The following RCSD1 variants were observed in gnomAD, a reference collection of about 807,000 sequenced individuals.
The protein encoded by RCSD1 is capZ-interacting protein.
RCSD1 carries 26 observed loss-of-function variants against 42.5 expected under a neutral mutation model. The observed-to-expected ratio is 0.61, with a 90% CI of 0.45 to 0.85. The LOEUF (loss-of-function observed/expected upper bound fraction) is 0.85, where lower values mean the gene tolerates loss of function less well. Among genes scored for constraint, RCSD1 ranks in the 40% least tolerant of loss-of-function variants. The pLI is 0.00. For synonymous variants in RCSD1, 220 were observed against 212.2 expected (o/e 1.04, Z -0.32); for missense variants, 571 against 528.3 (o/e 1.08, Z -0.79).
chr1:167,635,582 G>T (rs1166489109), intron 1 of RCSD1, among the ~76,000 whole-genome samples: 1 of 152,186 alleles, frequency 6.6e-6, no homozygotes, highest in Admixed American at 6.5e-5. Context: ...AACACTGGCG[G>T]CTCAGCAGCC....
chr1:167,670,811 G>A (rs1658789217), intron 1 of RCSD1, among the ~76,000 whole-genome samples: 1 of 151,678 alleles, frequency 6.6e-6, no homozygotes, highest in South Asian at 2.1e-4. Flanking sequence ...ACTCCACCCT[G>A]CCCCACCCAT....
intron 1 of RCSD1, among the ~76,000 whole-genome samples, chr1:167,669,124 C>T (rs1417841605): frequency 1.3e-5 from 2 of 152,276 alleles, no homozygotes; most frequent in East Asian, 3.8e-4. Flanking sequence ...TGCATGTTTG[C>T]TAATAATCTA....
intron 1 of RCSD1, among the ~76,000 whole-genome samples, chr1:167,647,130 C>CAAAAA (rs5778560): frequency 4.4e-5 from 5 of 112,556 alleles, no homozygotes; most frequent in African/African-American, 1.9e-4. Context: ...AACTCCATCT[C>CAAAAA]AAAAAAAAAG....
intron 3 of RCSD1, among the ~76,000 whole-genome samples, chr1:167,687,379 C>CT (rs397969059): frequency 1.9e-5 from 2 of 104,096 alleles, no homozygotes; most frequent in African/African-American, 1.9e-4. Flanking sequence ...AAAAAATTAG[C>CT]AGGCGTGGTG....
chr1:167,638,252 A>G (rs3738225), intron 1 of RCSD1: 1 of 152,112 alleles, frequency 6.6e-6, no homozygotes, highest in African/African-American at 2.4e-5. Flanking sequence ...CTGAGCAGCC[A>G]CACCGATGTC....
chr1:167,703,172 C>G (rs1326135302), intron 6 of RCSD1, among the ~76,000 whole-genome samples: 1 of 152,132 alleles, frequency 6.6e-6, no homozygotes, highest in Non-Finnish European at 1.5e-5. Context: ...CAGTTCTTGG[C>G]CCTATTTCTT....
At chr1:167,697,076 C>A in intron 5 of RCSD1, 23 bp from the exon 6 acceptor site, 1 of 1,588,316 alleles carries the variant, frequency 6.3e-7, no homozygotes. Context: ...TTTTGGATAA[C>A]TTTCCTTAAC....
rs868411861 is a variant in RCSD1 at position 167,697,829 on chromosome 1, T to C, written c.1205T>C (p.Val402Ala). ...TSSEVQSEPA[V>A]PKPEDDTPVQ... ...AGTGAGGTCCAGAGCGAGCCAGCAG[T>C]CCCCAAGCCGGAGGTAGGTGGCCTG... The change falls in exon 6 of 7, where the codon GTC (valine) becomes GCC (alanine). Residue 402 changes from valine (V) to alanine (A), a missense_variant. Val to Ala is a moderately conservative substitution (Grantham distance 64, BLOSUM62 0). Coordinates refer to ENST00000367854, the MANE Select transcript of RCSD1 (RefSeq NM_052862.4). The C allele has an allele frequency of 6.8e-7, 1 of 1,463,646 alleles. No homozygotes were observed. Among genetic ancestry groups the C allele is most frequent in the South Asian group, 1.5e-5 (1 of 68,182 alleles). 90.7% of individuals were successfully genotyped at this position (1,463,646 alleles called of 1,614,324 possible). A position where few individuals can be genotyped will look rare whatever the true frequency, so the allele number is the denominator to read the frequency against.
At chr1:167,664,324 C>T (rs1329930144) in intron 1 of RCSD1, 1 of 152,276 alleles carries the variant, frequency 6.6e-6, no homozygotes, top group Non-Finnish European at 1.5e-5. Context: ...CAGCCTCCTG[C>T]AGCCACAGCG....
At chr1:167,668,283 T>C (rs1025473733) in intron 1 of RCSD1, among the ~76,000 whole-genome samples, 4 of 150,654 alleles carry the variant, frequency 2.7e-5, no homozygotes, top group Non-Finnish European at 5.9e-5. Context: ...AGACTCCGTC[T>C]CCAGAAAAAA....
At chr1:167,656,992 C>A (rs1228204247) in intron 1 of RCSD1, among the ~76,000 whole-genome samples, 1 of 152,182 alleles carries the variant, frequency 6.6e-6, no homozygotes, top group Non-Finnish European at 1.5e-5. Context: ...ACATTTTGAA[C>A]CCACCTTCAC....
At chr1:167,652,518 C>G (rs1438861446) in intron 1 of RCSD1, among the ~76,000 whole-genome samples, 1 of 152,206 alleles carries the variant, frequency 6.6e-6, no homozygotes, top group Admixed American at 6.5e-5. Flanking sequence ...GCTGCTCCCT[C>G]GAGACAGACC....
intron 3 of RCSD1, among the ~76,000 whole-genome samples, chr1:167,687,183 A>G (rs771727217): frequency 6.6e-6 from 1 of 152,228 alleles, no homozygotes; most frequent in Non-Finnish European, 1.5e-5. Context: ...CTGCTCGCAC[A>G]TTGAAAGGAC....
intron 1 of RCSD1, among the ~76,000 whole-genome samples, chr1:167,639,074 A>G (rs992856535): frequency 1.2e-4 from 18 of 152,064 alleles, no homozygotes; most frequent in Admixed American, 5.2e-4. Context: ...AAAATTAGCC[A>G]GGCATGGTGG....
intron 3 of RCSD1, among the ~76,000 whole-genome samples, chr1:167,689,111 C>T (rs538439357): frequency 2.0e-5 from 3 of 152,280 alleles, no homozygotes; most frequent in East Asian, 1.9e-4. Flanking sequence ...CTCCTGCCAC[C>T]GAGACTGAAT....
chr1:167,661,497 A>G (rs572044971), intron 1 of RCSD1, among the ~76,000 whole-genome samples: 2 of 152,332 alleles, frequency 1.3e-5, no homozygotes, highest in East Asian at 3.9e-4. Flanking sequence ...TGCTTTCTGT[A>G]GGGATCTAGA....
chr1:167,660,608 G>A (rs77947718), intron 1 of RCSD1, among the ~76,000 whole-genome samples: 1 of 151,996 alleles, frequency 6.6e-6, no homozygotes, highest in African/African-American at 2.4e-5. Context: ...GAATATGTAG[G>A]ACTATAGGTG....
chr1:167,637,068 G>A (rs547681727), intron 1 of RCSD1, among the ~76,000 whole-genome samples: 6 of 152,296 alleles, frequency 3.9e-5, no homozygotes, highest in African/African-American at 1.4e-4. Flanking sequence ...ACCCACAGAG[G>A]AGGAGCATCA....
rs749812321 is a variant in RCSD1 at position 167,684,003 on chromosome 1, T to C, written c.108+2T>C. ...GAGCAGGCGGCTGCAGCCAAGGAGG[T>C]GAGTCAGGCCGCTTCAGAGCAGCCT... On this transcript the variant is annotated splice_donor_variant, in intron 2 of 6. Coordinates refer to ENST00000367854, the MANE Select transcript of RCSD1 (RefSeq NM_052862.4). LOFTEE classifies it high-confidence loss of function. 7 of 1,611,232 alleles carry C rather than the reference T, an allele frequency of 4.3e-6. No homozygotes were observed. In the South Asian group the frequency reaches 5.5e-5, roughly 13 times the overall value.
Sources: allele counts gnomAD v4.1 joint callset (sites outside exome capture counted in the v4.1 genomes callset), GRCh38; gene constraint gnomAD v4.1.1; transcripts MANE v1.5; gene names NCBI Gene and HGNC (gene_info 2026-07-23, HGNC 2026-07-21).